The following UTRN variants were observed in gnomAD, a reference collection of about 807,000 sequenced individuals.
UTRN encodes the protein utrophin, also known as dystrophin-related protein 1.
Under a neutral mutation model 463.9 loss-of-function variants are expected in UTRN, and 283 were observed. The ratio of observed to expected loss-of-function variants is 0.61; its 90% CI spans 0.55 to 0.67. The LOEUF is 0.67. UTRN is among the 30% of genes least tolerant of loss of function. The pLI, the probability that UTRN is intolerant of heterozygous loss-of-function variation, is 0.00. For synonymous variants in UTRN, 1,442 were observed against 1,431.5 expected (o/e 1.01, Z -0.17); for missense variants, 3,922 against 4,084.3 (o/e 0.96, Z 1.08).
intron 2 of UTRN, among the ~76,000 whole-genome samples, chr6:144,364,018 A>T (rs1457456351): frequency 6.6e-6 from 1 of 152,246 alleles, no homozygotes; most frequent in African/African-American, 2.4e-5. Flanking sequence ...GGAAGCAAAT[A>T]CAAGGGTAGA....
At chr6:144,424,854 A>G (rs1326786589) in intron 6 of UTRN, among the ~76,000 whole-genome samples, 1 of 152,236 alleles carries the variant, frequency 6.6e-6, no homozygotes, top group Non-Finnish European at 1.5e-5. Flanking sequence ...GAACTCTCTT[A>G]TGTAAACACA....
At chr6:144,725,501 T>C (rs1787774788) in intron 53 of UTRN, among the ~76,000 whole-genome samples, 1 of 152,234 alleles carries the variant, frequency 6.6e-6, no homozygotes, top group African/African-American at 2.4e-5. Flanking sequence ...AAATATAAAC[T>C]CATTAAAACA....
intron 13 of UTRN, among the ~76,000 whole-genome samples, chr6:144,442,667 T>C (rs181956909): frequency 1.3e-5 from 2 of 152,230 alleles, no homozygotes; most frequent in East Asian, 3.9e-4. Context: ...TCAGATCTCG[T>C]GAGACTTATT....
intron 65 of UTRN, among the ~76,000 whole-genome samples, chr6:144,814,739 T>C (rs9497089): frequency 0.077 from 11,735 of 152,240 alleles, 1,501 homozygotes; most frequent in African/African-American, 0.27. Context: ...GTGGTAGTAT[T>C]GGTATTAGTG....
At chr6:144,473,645 G>A in intron 23 of UTRN, 75 bp from the exon 24 acceptor site, 1 of 1,106,284 alleles carries the variant, frequency 9.0e-7, no homozygotes, top group Non-Finnish European at 1.3e-6. Flanking sequence ...CTTTGTTCCA[G>A]TGGCGGTAGA....
At position 144,561,547 on chromosome 6, in the gene UTRN, T is replaced by G. The variant is rs1018452684; in HGVS notation, c.7289+4236T>G. Among the ~76,000 whole-genome samples the G allele has an allele frequency of 3.3e-5, 5 of 152,182 alleles. No individual in the cohort carries two copies. In the East Asian group the frequency reaches 5.8e-4, roughly 18 times the overall value. On this transcript the variant is annotated intron_variant, in intron 50 of 74. Transcript: ENST00000367545. Reference sequence around the variant, plus strand: ...CTCTGTGTTTTTCTCCTTGTCCTTATCGCATTTTACCTTGCCTATGTTAAG... The same window carrying G: ...CTCTGTGTTTTTCTCCTTGTCCTTAGCGCATTTTACCTTGCCTATGTTAAG...
intron 2 of UTRN, among the ~76,000 whole-genome samples, chr6:144,310,508 C>T (rs2114556299): frequency 6.9e-6 from 1 of 145,216 alleles, no homozygotes; most frequent in South Asian, 2.2e-4. Flanking sequence ...GCACTCCAGC[C>T]TGGGTAACAA....
chr6:144,617,086 G>T (rs934655055), intron 51 of UTRN, among the ~76,000 whole-genome samples: 1 of 152,084 alleles, frequency 6.6e-6, no homozygotes, highest in African/African-American at 2.4e-5. Context: ...TACATTCAGG[G>T]TCAATAGAAA....
chr6:144,470,402 C>T lies in UTRN; in HGVS notation c.3067-3318C>T, dbSNP rs192117096. Among the ~76,000 whole-genome samples the T allele has an allele frequency of 1.3e-3, 190 of 150,068 alleles. 1 individual carries two copies. The highest frequency in any genetic ancestry group is 4.3e-3 in the African/African-American group (174 of 40,534). On this transcript the variant is annotated intron_variant, in intron 23 of 74. Transcript: ENST00000367545. ...CTTACCAGATGGGGTGGCTGCTGGGCGGAGGGGCTCCTCAGTTCCCAGACG... is the reference window on the plus strand; with the variant it reads ...CTTACCAGATGGGGTGGCTGCTGGGTGGAGGGGCTCCTCAGTTCCCAGACG...
At chr6:144,447,572 G>C (rs775021130) in intron 15 of UTRN, 30 bp from the exon 16 acceptor site, 2 of 1,606,092 alleles carry the variant, frequency 1.2e-6, no homozygotes, top group South Asian at 1.1e-5. Flanking sequence ...CTGTTAAAAA[G>C]AGTCATCTAA....
intron 19 of UTRN, among the ~76,000 whole-genome samples, chr6:144,456,692 T>TAATAATAAA (rs1332558425): frequency 7.2e-6 from 1 of 138,874 alleles, no homozygotes; most frequent in African/African-American, 2.7e-5. Flanking sequence ...ATAATAATAA[T>TAATAATAAA]AATAAATAAA....
intron 56 of UTRN, 75 bp downstream of exon 56, chr6:144,752,027 A>T: frequency 7.4e-7 from 1 of 1,342,934 alleles, no homozygotes; most frequent in South Asian, 2.0e-5. Context: ...CTATATTACC[A>T]CTCACCGTTT....
chr6:144,385,415 A>G (rs1781323781), intron 2 of UTRN, among the ~76,000 whole-genome samples: 1 of 152,194 alleles, frequency 6.6e-6, no homozygotes, highest in African/African-American at 2.4e-5. Context: ...TCAGTCTAAA[A>G]ATATGAAAGT....
intron 58 of UTRN, among the ~76,000 whole-genome samples, chr6:144,766,787 G>A (rs1371963958): frequency 6.6e-6 from 1 of 150,880 alleles, no homozygotes; most frequent in Non-Finnish European, 1.5e-5. Flanking sequence ...TTGAGGTAGG[G>A]GTGTGTGTGT....
intron 57 of UTRN, among the ~76,000 whole-genome samples, chr6:144,757,408 A>C (rs1233455945): frequency 1.3e-5 from 2 of 151,962 alleles, no homozygotes; most frequent in Non-Finnish European, 2.9e-5. Context: ...CTTTTTGCCT[A>C]TTTTTAAATT....
chr6:144,623,775 C>T (rs1775675432), intron 51 of UTRN, among the ~76,000 whole-genome samples: 1 of 152,128 alleles, frequency 6.6e-6, no homozygotes, highest in Non-Finnish European at 1.5e-5. Flanking sequence ...CATTCAACAA[C>T]AGGTTCTATA....
At chr6:144,766,490 G>A (rs769019902) in intron 58 of UTRN, among the ~76,000 whole-genome samples, 1 of 151,984 alleles carries the variant, frequency 6.6e-6, no homozygotes, top group Non-Finnish European at 1.5e-5. Context: ...GAGACTTCTG[G>A]TTTTCTCATA....
At chr6:144,590,568 C>G (rs544012685) in intron 51 of UTRN, among the ~76,000 whole-genome samples, 1 of 152,146 alleles carries the variant, frequency 6.6e-6, no homozygotes, top group East Asian at 1.9e-4. Context: ...ATTCAAAGAA[C>G]ATGTATTGAA....
At chr6:144,324,339 C>A (rs960880177) in intron 2 of UTRN, among the ~76,000 whole-genome samples, 10 of 152,016 alleles carry the variant, frequency 6.6e-5, no homozygotes, top group Admixed American at 2.6e-4. Flanking sequence ...TATTGATTTA[C>A]CAAGTCTAAA....
Sources: gnomAD v4.1 joint callset for allele counts (sites outside exome capture counted in the v4.1 genomes callset) on GRCh38, gnomAD v4.1.1 for gene constraint, MANE v1.5 for transcripts, NCBI Gene and HGNC (gene_info 2026-07-23, HGNC 2026-07-21) for gene names.